Variants in C5orf22 observed in about 807,000 individuals in gnomAD.
C5orf22 encodes the protein chromosome 5 open reading frame 22, also known as UPF0489 protein C5orf22.
In C5orf22, 36 loss-of-function variants were observed where a neutral mutation model predicts 48.7. That is an observed-to-expected ratio of 0.74 (90% CI 0.57 to 0.98). C5orf22 has a LOEUF of 0.98. Ranked by LOEUF, C5orf22 falls within the 50% of genes least tolerant of loss-of-function variation. The pLI is 0.00. For synonymous variants in C5orf22, 141 were observed against 180.8 expected, an observed-to-expected ratio of 0.78 and a Z score of 1.76; for missense variants, 486 against 521.9, an observed-to-expected ratio of 0.93 and a Z score of 0.67.
Position 31,541,370 on chromosome 5 carries a change from A to T in C5orf22, c.960A>T (p.Glu320Asp), listed in dbSNP as rs775516645. 2 of 1,614,124 alleles carry T rather than the reference A, an allele frequency of 1.2e-6. No individual in the cohort carries two copies. The highest frequency in any genetic ancestry group is 3.3e-5 in the Admixed American group (2 of 60,024). ...TFADLCDGDDEETVQRWASNP... is the reference protein window; with the variant it reads ...TFADLCDGDDDETVQRWASNP... ...CTGATTTGTGTGATGGTGATGATGAAGAAACGGTACAGAGATGGGCTTCAA... is the reference window on the plus strand; with the variant it reads ...CTGATTTGTGTGATGGTGATGATGATGAAACGGTACAGAGATGGGCTTCAA... Residue 320 changes from glutamate (E) to aspartate (D), a missense_variant, in exon 6 of 9, where the codon GAA (glutamate) becomes GAT (aspartate). Around this residue, in one of 3 missense-constraint regions of C5orf22, gnomAD observed 408 missense variants for 444.0 expected, o/e 0.92. Coordinates refer to ENST00000325366, the MANE Select transcript of C5orf22 (RefSeq NM_018356.3).
chr5:31,538,235 A>C, intron 3 of C5orf22, 25 bp from the exon 4 acceptor site: 1 of 1,531,290 alleles, frequency 6.5e-7, no homozygotes, highest in Middle Eastern at 1.8e-4. Context: ...ATTCTTCTTA[A>C]AAATCGTTTT....
At chr5:31,532,581 G>C in intron 1 of C5orf22, 108 bp downstream of exon 1, 1 of 879,978 alleles carries the variant, frequency 1.1e-6, no homozygotes, top group Non-Finnish European at 1.8e-6. Flanking sequence ...GAGTTAACCA[G>C]AGTTAAACTG....
In C5orf22 at chr5:31,541,308, C is replaced by G. The variant is rs778701297; in HGVS notation, c.898C>G (p.Arg300Gly). 23 of 1,610,138 alleles carry G rather than the reference C, an allele frequency of 1.4e-5. No individual in the cohort carries two copies. In the East Asian group the frequency reaches 5.1e-4, roughly 36 times the overall value. The change falls in exon 6 of 9, where the codon CGA (arginine) becomes GGA (glycine). Residue 300 changes from arginine (R) to glycine (G), a missense_variant. By Grantham distance (125) the Arg-to-Gly change is moderately radical. This residue lies in a region of C5orf22 where 408 missense variants were observed against 444.0 expected (regional missense o/e 0.92). Coordinates refer to ENST00000325366, the MANE Select transcript of C5orf22 (RefSeq NM_018356.3). ...AGATTTGGTAGATATTGTTGATACT[C>G]GAATTCATCAATTAGAGGATTTAGA... ...EEDLVDIVDT[R>G]IHQLEDLEAT...
chr5:31,540,737 A>G (rs1742400135), intron 4 of C5orf22: 1 of 486,492 alleles, frequency 2.1e-6, no homozygotes, highest in Non-Finnish European at 3.7e-6. Flanking sequence ...AGTGATATTT[A>G]CAATAAAACA....
chr5:31,537,648 T>G (rs1229004503), intron 3 of C5orf22, among the ~76,000 whole-genome samples: 1 of 152,174 alleles, frequency 6.6e-6, no homozygotes, highest in Non-Finnish European at 1.5e-5. Context: ...ATATAGAAAT[T>G]AACAAAGCTC....
In C5orf22 at chr5:31,535,727, C is replaced by T; in HGVS notation, c.228-17C>T. Reference sequence around the variant, plus strand: ...AAAAATAAAAGTTTTAATGTTGTCTCTATGTTTCTTTTCCAGAGAATTAAG... The same window carrying T: ...AAAAATAAAAGTTTTAATGTTGTCTTTATGTTTCTTTTCCAGAGAATTAAG... On this transcript the variant is annotated splice_polypyrimidine_tract_variant and intron_variant, in intron 2 of 8. Coordinates refer to ENST00000325366, the MANE Select transcript of C5orf22 (RefSeq NM_018356.3). 2 of 1,567,236 alleles carry T rather than the reference C, an allele frequency of 1.3e-6. No individual in the cohort carries two copies. Among genetic ancestry groups the T allele is most frequent in the Non-Finnish European group, 1.7e-6 (2 of 1,158,458 alleles).
intron 2 of C5orf22, chr5:31,534,926 A>G (rs973483061): frequency 2.4e-6 from 1 of 418,094 alleles, no homozygotes; most frequent in South Asian, 1.7e-5. Context: ...CAGCCTAGCC[A>G]ATGTTTAATC....
intron 3 of C5orf22, among the ~76,000 whole-genome samples, chr5:31,537,406 A>G (rs1341352523): frequency 6.6e-6 from 1 of 152,196 alleles, no homozygotes; most frequent in Non-Finnish European, 1.5e-5. Flanking sequence ...ATACAGCTTC[A>G]TCTTAGGGTT....
At chr5:31,550,414 G>C (rs1580461998) in intron 7 of C5orf22, among the ~76,000 whole-genome samples, 1 of 152,094 alleles carries the variant, frequency 6.6e-6, no homozygotes, top group East Asian at 1.9e-4. Flanking sequence ...TATACATAAA[G>C]GATACACAAG....
At chr5:31,537,022 A>G (rs917272043) in intron 3 of C5orf22, among the ~76,000 whole-genome samples, 3 of 152,232 alleles carry the variant, frequency 2.0e-5, no homozygotes, top group African/African-American at 7.2e-5. Context: ...CTTTGTTGTG[A>G]TATATGAAAA....
At chr5:31,543,640 G>A (rs572366082) in intron 6 of C5orf22, among the ~76,000 whole-genome samples, 16 of 152,310 alleles carry the variant, frequency 1.1e-4, no homozygotes, top group African/African-American at 3.6e-4. Context: ...ATGATTCCCT[G>A]TTTTTTGAAA....
Position 31,553,270 on chromosome 5 carries a change from A to T in C5orf22, c.*368A>T, listed in dbSNP as rs1743405668. On this transcript the variant is annotated 3_prime_UTR_variant, in exon 9 of 9. Coordinates refer to ENST00000325366, the MANE Select transcript of C5orf22 (RefSeq NM_018356.3). ...CAACTAATATTTGTTGAACACTTAC[A>T]TGTACCAGACATTATTAAGTGCTGG... 1 of 199,094 alleles carries T rather than the reference A, an allele frequency of 5.0e-6. No individual in the cohort carries two copies. The highest frequency in any genetic ancestry group is 9.6e-5 in the South Asian group (1 of 10,420). The allele number at this position is 199,094 out of a possible 1,614,324, so 12.3% of individuals were successfully genotyped here.
At position 31,552,920 on chromosome 5, in the gene C5orf22, G is replaced by C. The variant is rs1743376542; in HGVS notation, c.*18G>C. The C allele has an allele frequency of 3.1e-6, 5 of 1,611,050 alleles. No individual in the cohort carries two copies. In the African/African-American group the frequency reaches 4.0e-5, roughly 13 times the overall value. ...CATCTTGAAACAAACAAAACATTAG[G>C]CTCCTGTTGTATCTTGGTTTAGTAA... On this transcript the variant is annotated 3_prime_UTR_variant, in exon 9 of 9. Transcript: ENST00000325366.
In C5orf22 at chr5:31,541,341, T is replaced by G; in HGVS notation, c.931T>G (p.Phe311Val). 1 of 1,613,888 alleles carries G rather than the reference T, an allele frequency of 6.2e-7. No individual in the cohort carries two copies. Among genetic ancestry groups the G allele is most frequent in the Non-Finnish European group, 8.5e-7 (1 of 1,179,768 alleles). Reference protein sequence around the residue: ...IHQLEDLEATFADLCDGDDEE... With the variant: ...IHQLEDLEATVADLCDGDDEE... ...TCAATTAGAGGATTTAGAAGCCACTTTCGCTGATTTGTGTGATGGTGATGA... is the reference window on the plus strand; with the variant it reads ...TCAATTAGAGGATTTAGAAGCCACTGTCGCTGATTTGTGTGATGGTGATGA... The change falls in exon 6 of 9, where the codon TTC (phenylalanine) becomes GTC (valine). Residue 311 changes from phenylalanine to valine, a missense_variant. Around this residue, in one of 3 missense-constraint regions of C5orf22, gnomAD observed 408 missense variants for 444.0 expected, o/e 0.92. Coordinates refer to ENST00000325366, the MANE Select transcript of C5orf22 (RefSeq NM_018356.3).
chr5:31,552,199 C>A (rs1012215195), intron 8 of C5orf22, among the ~76,000 whole-genome samples: 5 of 152,154 alleles, frequency 3.3e-5, no homozygotes, highest in Non-Finnish European at 7.4e-5. Context: ...AGATATCTGC[C>A]CCAACCTACT....
chr5:31,545,465 A>G (rs1341080424), intron 6 of C5orf22, among the ~76,000 whole-genome samples, 181 bp from the exon 7 acceptor site: 1 of 152,224 alleles, frequency 6.6e-6, no homozygotes, highest in Non-Finnish European at 1.5e-5. Context: ...CTTTTGGGTA[A>G]GAAAACAGGA....
intron 1 of C5orf22, among the ~76,000 whole-genome samples, chr5:31,533,567 GA>G (rs1486017522): frequency 1.3e-5 from 2 of 152,134 alleles, no homozygotes. Flanking sequence ...GAGAGAATGA[GA>G]AAGCCTAGGT....
At position 31,552,955 on chromosome 5, in the gene C5orf22, A is replaced by G; in HGVS notation, c.*53A>G. ...TATCTTGGTTTAGTAACAGGCCCTT[A>G]ATTAACTTATTTGTACATGAGTCTT... On this transcript the variant is annotated 3_prime_UTR_variant, in exon 9 of 9. Transcript: ENST00000325366. 6.4e-7 allele frequency: 1 copy of G among 1,555,508 alleles called. No individual in the cohort carries two copies. Among genetic ancestry groups the G allele is most frequent in the Non-Finnish European group, 8.8e-7 (1 of 1,136,180 alleles).
At chr5:31,534,919 C>T (rs1485970702) in intron 2 of C5orf22, 1 of 412,952 alleles carries the variant, frequency 2.4e-6, no homozygotes, top group Non-Finnish European at 4.8e-6. Flanking sequence ...ACAAAAACAG[C>T]CTAGCCAATG....
Sources: allele counts gnomAD v4.1 joint callset (sites outside exome capture counted in the v4.1 genomes callset), GRCh38; gene constraint gnomAD v4.1.1; regional missense constraint gnomAD v4.1.1; transcripts MANE v1.5; gene names NCBI Gene and HGNC (gene_info 2026-07-23, HGNC 2026-07-21).